The following TG variants were observed in gnomAD, a reference collection of about 807,000 sequenced individuals.
The protein encoded by TG is thyroid hormones.
A neutral mutation model predicts 324.7 loss-of-function variants in TG; 270 were observed. The observed-to-expected ratio is 0.83, with a 90% CI of 0.75 to 0.92. TG has a LOEUF of 0.92. Among genes scored for constraint, TG ranks in the 40% least tolerant of loss-of-function variants. The probability of loss-of-function intolerance (pLI) is 0.00; values close to 1 mark genes in which losing one functional copy is unlikely to be tolerated. For missense variants in TG, 3,591 were observed against 3,456.4 expected (o/e 1.04, Z -0.98); for synonymous variants, 1,401 against 1,327.0 (o/e 1.06, Z -1.21).
At chr8:132,976,759 A>G (rs1830224399) in intron 34 of TG, among the ~76,000 whole-genome samples, 1 of 152,200 alleles carries the variant, frequency 6.6e-6, no homozygotes, top group Non-Finnish European at 1.5e-5. Flanking sequence ...ATTTCAGAAC[A>G]GAAGGAGGAG....
intron 31 of TG, among the ~76,000 whole-genome samples, chr8:132,968,922 A>T (rs553412732): frequency 6.6e-6 from 1 of 152,192 alleles, no homozygotes; most frequent in Non-Finnish European, 1.5e-5. Flanking sequence ...CATGGTTTGT[A>T]TCTGATGCAC....
At chr8:132,974,356 A>G (rs1829936921) in intron 34 of TG, among the ~76,000 whole-genome samples, 1 of 152,218 alleles carries the variant, frequency 6.6e-6, no homozygotes, top group African/African-American at 2.4e-5. Flanking sequence ...AAGAAATTAC[A>G]TTCTTCACGT....
intron 41 of TG, chr8:133,049,924 A>T (rs536012943): frequency 1.2e-6 from 2 of 1,612,746 alleles, no homozygotes; most frequent in South Asian, 2.2e-5. Flanking sequence ...CTGGCCACAC[A>T]TATTCCAGGG....
At chr8:133,079,713 AG>A (rs1477151524) in intron 41 of TG, among the ~76,000 whole-genome samples, 1 of 152,194 alleles carries the variant, frequency 6.6e-6, no homozygotes, top group African/African-American at 2.4e-5. Flanking sequence ...AATATTCAAA[AG>A]TTTGGAAGAA....
At chr8:132,980,477 A>G (rs1830690420) in intron 34 of TG, among the ~76,000 whole-genome samples, 1 of 151,866 alleles carries the variant, frequency 6.6e-6, no homozygotes, top group Non-Finnish European at 1.5e-5. Flanking sequence ...CTCTTGTCCT[A>G]TGCACCCCTT....
intron 27 of TG, among the ~76,000 whole-genome samples, chr8:132,953,304 C>G (rs1409944152): frequency 6.6e-6 from 1 of 152,130 alleles, no homozygotes; most frequent in Non-Finnish European, 1.5e-5. Context: ...TCCCTCATAT[C>G]CTGAGCAGCT....
Position 132,886,577 on chromosome 8 carries a change from C to A in TG, c.1205C>A (p.Ala402Asp), listed in dbSNP as rs373267875. Reference protein sequence around the residue: ...PEKRWASPRVARFATSCPPTI... With the variant: ...PEKRWASPRVDRFATSCPPTI... ...AAAAGATGGGCCTCTCCAAGAGTAG[C>A]CAGATTTGCCACATCCTGCCCACCC... The change falls in exon 9 of 48, where the codon GCC becomes GAC. Residue 402 changes from alanine to aspartate, a missense_variant. Coordinates refer to ENST00000220616, the MANE Select transcript of TG (RefSeq NM_003235.5). 1.2e-6 allele frequency: 2 copies of A among 1,614,074 alleles called. No individual in the cohort carries two copies. Among genetic ancestry groups the A allele is most frequent in the East Asian group, 4.5e-5 (2 of 44,882 alleles).
chr8:132,925,957 G>A (rs1313949617), intron 22 of TG, among the ~76,000 whole-genome samples: 1 of 152,196 alleles, frequency 6.6e-6, no homozygotes, highest in Non-Finnish European at 1.5e-5. Context: ...TGAGGCGCTG[G>A]CTTCTGAATA....
chr8:132,929,096 G>T lies in TG; in HGVS notation c.4720G>T (p.Val1574Phe), dbSNP rs776521801. ...QCLMMQKFEK[V>F]PESKVIFDAN... ...TTTAGTGATGCAGAAGTTTGAGAAG[G>T]TTCCAGAATCAAAGGTGATCTTCGA... Residue 1574 changes from valine (V) to phenylalanine (F), a missense_variant, in exon 23 of 48, where the codon GTT becomes TTT. Val to Phe is a conservative substitution (Grantham distance 50). Coordinates refer to ENST00000220616, the MANE Select transcript of TG (RefSeq NM_003235.5). 24 of 1,613,852 alleles carry T rather than the reference G, an allele frequency of 1.5e-5. No homozygotes were observed. Among genetic ancestry groups the T allele is most frequent in the African/African-American group, 1.1e-4 (8 of 74,900 alleles).
At chr8:132,923,638 TGTA>T in intron 22 of TG, 130 bp downstream of exon 22, 1 of 1,148,524 alleles carries the variant, frequency 8.7e-7, no homozygotes, top group Non-Finnish European at 1.2e-6. Context: ...TTTTAATCTG[TGTA>T]GAAGTTGGAA....
At chr8:133,112,116 ACCCAGGAGTGGCTG>A (rs1361254480) in intron 43 of TG, among the ~76,000 whole-genome samples, 13 of 151,190 alleles carry the variant, frequency 8.6e-5, no homozygotes, top group Non-Finnish European at 1.8e-4. Flanking sequence ...GGCTGTGCCC[ACCCAGGAGTGGCTG>A]TGCCCACCCA....
intron 35 of TG, among the ~76,000 whole-genome samples, chr8:132,985,008 C>T (rs951445131): frequency 6.6e-6 from 1 of 152,024 alleles, no homozygotes; most frequent in African/African-American, 2.4e-5. Context: ...GCCACTCCCA[C>T]TCCTAGTAGC....
intron 44 of TG, among the ~76,000 whole-genome samples, chr8:133,114,387 G>GCC (rs1564205592): frequency 6.6e-6 from 1 of 152,128 alleles, no homozygotes; most frequent in Non-Finnish European, 1.5e-5. Context: ...CTTGCAGCAC[G>GCC]CCCCCGGCCC....
At chr8:132,933,242 A>G in intron 23 of TG, among the ~76,000 whole-genome samples, 1 of 728 alleles carries the variant, frequency 1.4e-3, no homozygotes, top group Non-Finnish European at 2.6e-3. Context: ...TTGAATGTGT[A>G]TTTCTATGTA....
chr8:132,994,711 C>A (rs1335873373), intron 35 of TG: 2 of 1,288,230 alleles, frequency 1.6e-6, no homozygotes, highest in Admixed American at 4.6e-5. Context: ...ACCTCTTCTC[C>A]CCAGTGTTTA....
At chr8:133,087,919 C>G (rs929298440) in intron 41 of TG, 7 of 152,236 alleles carry the variant, frequency 4.6e-5, no homozygotes, top group African/African-American at 1.7e-4. Context: ...TCACCTGCTA[C>G]TGGCAGGATT....
At chr8:132,882,392 G>A (rs1267705201) in intron 6 of TG, 77 bp from the exon 7 acceptor site, 2 of 1,536,398 alleles carry the variant, frequency 1.3e-6, no homozygotes, top group Non-Finnish European at 1.8e-6. Flanking sequence ...GTCTCTCTCA[G>A]TATCTGTTTG....
intron 32 of TG, among the ~76,000 whole-genome samples, chr8:132,970,679 GA>G (rs1292428095): frequency 1.3e-5 from 2 of 152,174 alleles, no homozygotes; most frequent in Non-Finnish European, 2.9e-5. Flanking sequence ...AGTGGTGGAT[GA>G]AAAGGAGGGT....
Position 133,022,012 on chromosome 8 carries a change from G to C in TG, c.6898G>C (p.Val2300Leu), listed in dbSNP as rs1587785183. The change falls in exon 40 of 48, where the codon GTG (valine) becomes CTG (leucine). Residue 2300 changes from valine (V) to leucine (L), a missense_variant. Physicochemically the swap from Val to Leu is conservative, Grantham distance 32 (BLOSUM62 1). Transcript: ENST00000220616. Reference sequence around the variant, plus strand: ...ACAGGCCCCTAACGCGTCTGTGCTGGTGTTCTTCCACAACACCATGGACAG... The same window carrying C: ...ACAGGCCCCTAACGCGTCTGTGCTGCTGTTCTTCCACAACACCATGGACAG... ...QNVAPNASVL[V>L]FFHNTMDREE... The C allele has an allele frequency of 6.2e-7, 1 of 1,614,134 alleles. No individual in the cohort carries two copies. The highest frequency in any genetic ancestry group is 2.2e-5 in the East Asian group (1 of 44,878).
Sources: gnomAD v4.1 joint callset for allele counts (sites outside exome capture counted in the v4.1 genomes callset) on GRCh38, gnomAD v4.1.1 for gene constraint, MANE v1.5 for transcripts, NCBI Gene and HGNC (gene_info 2026-07-23, HGNC 2026-07-21) for gene names.